The following TSHZ2 variants were observed in gnomAD, a reference collection of about 807,000 sequenced individuals.
The protein encoded by TSHZ2 is teashirt homolog 2.
A neutral mutation model predicts 74.4 loss-of-function variants in TSHZ2; 21 were observed. The ratio of observed to expected loss-of-function variants is 0.28; its 90% CI spans 0.20 to 0.41. TSHZ2 has a LOEUF of 0.41. Ranked by LOEUF, TSHZ2 falls within the 10% of genes least tolerant of loss-of-function variation. The pLI, the probability that TSHZ2 is intolerant of heterozygous loss-of-function variation, is 1.00. For synonymous variants in TSHZ2, 540 were observed against 515.3 expected, an observed-to-expected ratio of 1.05 and a Z score of -0.65; for missense variants, 1,244 against 1,293.5, an observed-to-expected ratio of 0.96 and a Z score of 0.59.
intron 2 of TSHZ2, among the ~76,000 whole-genome samples, chr20:53,337,035 AAGAG>A (rs1206313193): frequency 6.6e-6 from 1 of 152,214 alleles, no homozygotes; most frequent in African/African-American, 2.4e-5. Flanking sequence ...TACAGAAAGC[AAGAG>A]AGAGAATGAG....
At chr20:53,098,244 G>T (rs1209573862) in intron 1 of TSHZ2, among the ~76,000 whole-genome samples, 1 of 152,192 alleles carries the variant, frequency 6.6e-6, no homozygotes, top group African/African-American at 2.4e-5. Flanking sequence ...GTTGAATATT[G>T]CCCAGCCTCA....
intron 1 of TSHZ2, among the ~76,000 whole-genome samples, chr20:53,111,352 G>A (rs1041639932): frequency 6.6e-6 from 1 of 152,044 alleles, no homozygotes; most frequent in African/African-American, 2.4e-5. Context: ...ACTAGGTTTT[G>A]CTACACTAAA....
intron 1 of TSHZ2, among the ~76,000 whole-genome samples, chr20:53,023,783 T>C (rs1028193158): frequency 6.6e-6 from 1 of 152,224 alleles, no homozygotes; most frequent in African/African-American, 2.4e-5. Context: ...CATTTTTCTT[T>C]CCTGGATTTT....
intron 1 of TSHZ2, among the ~76,000 whole-genome samples, chr20:53,217,108 G>A (rs139444029): frequency 1.3e-5 from 2 of 152,206 alleles, no homozygotes; most frequent in Admixed American, 6.5e-5. Context: ...GGTGATGTGC[G>A]GCTGTATCGA....
chr20:53,239,434 T>C (rs1281180253), intron 1 of TSHZ2, among the ~76,000 whole-genome samples: 2 of 151,938 alleles, frequency 1.3e-5, no homozygotes, highest in African/African-American at 4.8e-5. Context: ...ATTTATAGAG[T>C]CTTTACTGTA....
intron 2 of TSHZ2, among the ~76,000 whole-genome samples, chr20:53,395,794 A>C (rs1280069391): frequency 6.6e-6 from 1 of 152,258 alleles, no homozygotes; most frequent in Non-Finnish European, 1.5e-5. Flanking sequence ...AGGAAGGAAC[A>C]TTGAAATAAA....
At chr20:53,193,475 A>G (rs1988790682) in intron 1 of TSHZ2, among the ~76,000 whole-genome samples, 1 of 151,450 alleles carries the variant, frequency 6.6e-6, no homozygotes, top group South Asian at 2.1e-4. Flanking sequence ...TGTAACATTC[A>G]TCCTATTTGT....
At chr20:53,367,469 A>T (rs958725186) in intron 2 of TSHZ2, among the ~76,000 whole-genome samples, 1 of 152,194 alleles carries the variant, frequency 6.6e-6, no homozygotes, top group Admixed American at 6.5e-5. Flanking sequence ...TCCTGAGTCC[A>T]GATGGGGTTG....
chr20:52,985,840 T>C (rs1175775028), intron 1 of TSHZ2, among the ~76,000 whole-genome samples: 1 of 152,190 alleles, frequency 6.6e-6, no homozygotes, highest in Non-Finnish European at 1.5e-5. Flanking sequence ...GCAGTTTTAA[T>C]GAGGAAGCAA....
At chr20:53,163,133 T>G (rs1203591508) in intron 1 of TSHZ2, among the ~76,000 whole-genome samples, 1 of 152,172 alleles carries the variant, frequency 6.6e-6, no homozygotes, top group Admixed American at 6.5e-5. Flanking sequence ...TCAAATGATG[T>G]GACTATATTG....
chr20:53,240,466 C>T (rs1177351046), intron 1 of TSHZ2, among the ~76,000 whole-genome samples: 2 of 152,114 alleles, frequency 1.3e-5, no homozygotes, highest in Non-Finnish European at 2.9e-5. Context: ...CCAATGTCCT[C>T]TTTGAATCTC....
intron 1 of TSHZ2, among the ~76,000 whole-genome samples, chr20:53,213,519 A>T (rs1212221607): frequency 6.6e-6 from 1 of 152,154 alleles, no homozygotes; most frequent in Non-Finnish European, 1.5e-5. Context: ...TCAACAAGAA[A>T]AATTGAACTC....
At chr20:53,224,175 T>C (rs1289172693) in intron 1 of TSHZ2, among the ~76,000 whole-genome samples, 2 of 152,200 alleles carry the variant, frequency 1.3e-5, no homozygotes, top group African/African-American at 2.4e-5. Flanking sequence ...GTTTTGAGTA[T>C]AATGTCTAGG....
At chr20:53,056,528 G>T (rs1425677828) in intron 1 of TSHZ2, among the ~76,000 whole-genome samples, 7 of 152,206 alleles carry the variant, frequency 4.6e-5, no homozygotes, top group African/African-American at 1.7e-4. Context: ...CAAACATTTT[G>T]GTTCCTCCCT....
intron 1 of TSHZ2, among the ~76,000 whole-genome samples, chr20:53,001,232 G>GTATGTGTGTGTGTGTGTGTGTA (rs769421283): frequency 7.4e-5 from 10 of 135,390 alleles, no homozygotes; most frequent in South Asian, 4.8e-4. Flanking sequence ...GTGTGTGTGT[G>GTATGTGTGTGTGTGTGTGTGTA]TGTGTGTGTG....
chr20:53,200,061 C>T (rs989806074), intron 1 of TSHZ2, among the ~76,000 whole-genome samples: 1 of 152,122 alleles, frequency 6.6e-6, no homozygotes, highest in African/African-American at 2.4e-5. Flanking sequence ...GGAGGAACAA[C>T]CAATCAATCA....
chr20:53,424,550 G>A (rs1309380592), intron 2 of TSHZ2, among the ~76,000 whole-genome samples: 1 of 151,220 alleles, frequency 6.6e-6, no homozygotes, highest in Non-Finnish European at 1.5e-5. Context: ...AAGAAATATT[G>A]ACCAACCTCT....
chr20:53,084,113 A>C (rs1476676207), intron 1 of TSHZ2, among the ~76,000 whole-genome samples: 2 of 152,218 alleles, frequency 1.3e-5, no homozygotes, highest in Non-Finnish European at 2.9e-5. Context: ...TTCCATAACT[A>C]CAAAAATTTT....
At chr20:53,055,536 C>T (rs1555820098) in intron 1 of TSHZ2, among the ~76,000 whole-genome samples, 1 of 152,100 alleles carries the variant, frequency 6.6e-6, no homozygotes, top group Non-Finnish European at 1.5e-5. Context: ...TTTGCATGAA[C>T]TTTGAGTGAT....
Sources: allele counts gnomAD v4.1 joint callset (sites outside exome capture counted in the v4.1 genomes callset), GRCh38; gene constraint gnomAD v4.1.1; transcripts MANE v1.5; gene names NCBI Gene and HGNC (gene_info 2026-07-23, HGNC 2026-07-21).